Variants in FBXL7 observed in about 807,000 individuals in gnomAD.
FBXL7 encodes F-box and leucine rich repeat protein 7.
Under a neutral mutation model 38.3 loss-of-function variants are expected in FBXL7, and 12 were observed. The ratio of observed to expected loss-of-function variants is 0.31; its 90% CI spans 0.20 to 0.51. The LOEUF is 0.51. Among genes scored for constraint, FBXL7 ranks in the 20% least tolerant of loss-of-function variants. The probability of loss-of-function intolerance (pLI) is 0.98; values close to 1 mark genes in which losing one functional copy is unlikely to be tolerated. For missense variants in FBXL7, 567 were observed against 676.4 expected, an observed-to-expected ratio of 0.84 and a Z score of 1.79; for synonymous variants, 297 against 300.9, an observed-to-expected ratio of 0.99 and a Z score of 0.13.
At chr5:15,764,158 A>T (rs1287676710) in intron 2 of FBXL7, among the ~76,000 whole-genome samples, 3 of 152,190 alleles carry the variant, frequency 2.0e-5, no homozygotes, top group Admixed American at 6.5e-5. Flanking sequence ...ATTCCCTATC[A>T]CATAAACCAA....
At chr5:15,627,366 T>C (rs1220155532) in intron 2 of FBXL7, among the ~76,000 whole-genome samples, 1 of 152,116 alleles carries the variant, frequency 6.6e-6, no homozygotes, top group African/African-American at 2.4e-5. Flanking sequence ...TTTTGCTGTG[T>C]GAGTAGTCAG....
intron 2 of FBXL7, among the ~76,000 whole-genome samples, chr5:15,919,889 A>G (rs1376766916): frequency 1.3e-5 from 2 of 152,198 alleles, no homozygotes; most frequent in Admixed American, 1.3e-4. Context: ...GACATAGGAA[A>G]GAAATTAGAG....
intron 2 of FBXL7, among the ~76,000 whole-genome samples, chr5:15,777,368 T>A (rs1317911862): frequency 2.0e-5 from 3 of 152,096 alleles, no homozygotes; most frequent in Non-Finnish European, 4.4e-5. Context: ...AAAGTGTTTA[T>A]GCTTGAAACT....
intron 2 of FBXL7, among the ~76,000 whole-genome samples, chr5:15,679,481 C>T (rs946209649): frequency 4.0e-5 from 6 of 151,618 alleles, no homozygotes; most frequent in African/African-American, 1.5e-4. Context: ...CACACACCAT[C>T]CTGGTGACTT....
At position 15,779,158 on chromosome 5, in the gene FBXL7, A is replaced by C. The variant is rs200475660; in HGVS notation, c.128-148732A>C. On this transcript the variant is annotated intron_variant, in intron 2 of 3. Transcript: ENST00000504595. ...AAAAAAGTGGATCTCATGGAGTTGG[A>C]GAGTTTCAGAATGGTGGTTACCAGA... Among the ~76,000 whole-genome samples the C allele has an allele frequency of 7.2e-5, 11 of 152,130 alleles. No homozygotes were observed. In the East Asian group the frequency reaches 2.1e-3, roughly 29 times the overall value.
chr5:15,847,734 TGAAAGCCC>T (rs1385328888), intron 2 of FBXL7, among the ~76,000 whole-genome samples: 1 of 152,072 alleles, frequency 6.6e-6, no homozygotes, highest in Non-Finnish European at 1.5e-5. Flanking sequence ...CCTAATCAGG[TGAAAGCCC>T]TCAGAAGAGA....
intron 1 of FBXL7, among the ~76,000 whole-genome samples, chr5:15,608,100 ATATT>A (rs771866079): frequency 3.0e-4 from 45 of 152,272 alleles, no homozygotes; most frequent in African/African-American, 9.4e-4. Flanking sequence ...TGCATATATA[ATATT>A]TATTTTATCA....
chr5:15,547,604 G>A (rs1488518132), intron 1 of FBXL7, among the ~76,000 whole-genome samples: 1 of 152,098 alleles, frequency 6.6e-6, no homozygotes, highest in Non-Finnish European at 1.5e-5. Flanking sequence ...GCTGAATAGA[G>A]TCTCATCTGC....
intron 2 of FBXL7, among the ~76,000 whole-genome samples, chr5:15,824,188 C>T (rs974442466): frequency 1.3e-5 from 2 of 149,884 alleles, no homozygotes; most frequent in East Asian, 2.0e-4. Flanking sequence ...CCCAGCTACT[C>T]GGGAGGCTGA....
chr5:15,851,273 C>T (rs944744933), intron 2 of FBXL7, among the ~76,000 whole-genome samples: 2 of 152,126 alleles, frequency 1.3e-5, no homozygotes, highest in African/African-American at 4.8e-5. Context: ...GAAAGTGATG[C>T]ATAAATGGCC....
intron 2 of FBXL7, among the ~76,000 whole-genome samples, chr5:15,631,736 A>G (rs956450753): frequency 2.0e-5 from 3 of 148,708 alleles, no homozygotes; most frequent in African/African-American, 7.4e-5. Context: ...TGAAAAAGAG[A>G]GTTCAGAGGT....
chr5:15,648,770 G>C (rs867572849), intron 2 of FBXL7, among the ~76,000 whole-genome samples: 6 of 152,152 alleles, frequency 3.9e-5, no homozygotes, highest in Admixed American at 2.0e-4. Context: ...TCAGTTGAAC[G>C]ATGAACTCCA....
intron 2 of FBXL7, among the ~76,000 whole-genome samples, chr5:15,746,156 G>A (rs1736009081): frequency 6.6e-6 from 1 of 152,156 alleles, no homozygotes; most frequent in South Asian, 2.1e-4. Context: ...GAAAAGTTGG[G>A]TGAATACTAT....
intron 1 of FBXL7, among the ~76,000 whole-genome samples, chr5:15,519,264 A>T (rs1191854810): frequency 6.6e-6 from 1 of 152,060 alleles, no homozygotes; most frequent in Non-Finnish European, 1.5e-5. Context: ...AATCCCTGGA[A>T]CCTGGGAGGT....
At chr5:15,722,631 G>A (rs989121062) in intron 2 of FBXL7, among the ~76,000 whole-genome samples, 64 of 152,198 alleles carry the variant, frequency 4.2e-4, no homozygotes, top group African/African-American at 1.4e-3. Flanking sequence ...GCATTTGTAA[G>A]CAGAAGACAG....
At chr5:15,767,883 G>A (rs1048945732) in intron 2 of FBXL7, among the ~76,000 whole-genome samples, 7 of 152,198 alleles carry the variant, frequency 4.6e-5, no homozygotes, top group Admixed American at 3.3e-4. Context: ...CAGGAGGAAT[G>A]GGTGTGCATT....
intron 1 of FBXL7, among the ~76,000 whole-genome samples, chr5:15,578,798 C>A (rs1739045871): frequency 6.6e-6 from 1 of 152,156 alleles, no homozygotes; most frequent in African/African-American, 2.4e-5. Flanking sequence ...ATCCCATAGC[C>A]CTCCAAAATA....
At chr5:15,541,443 G>GTGTTTATATA (rs1264820921) in intron 1 of FBXL7, among the ~76,000 whole-genome samples, 1 of 38,426 alleles carries the variant, frequency 2.6e-5, no homozygotes. Context: ...GTGTGTGTGT[G>GTGTTTATATA]TATATATATA....
intron 1 of FBXL7, among the ~76,000 whole-genome samples, chr5:15,596,281 T>G (rs79995516): frequency 0.038 from 5,798 of 152,298 alleles, 354 homozygotes; most frequent in African/African-American, 0.13. Context: ...AAGCATGGTA[T>G]AATTCATTTT....
Sources: allele counts gnomAD v4.1 joint callset (sites outside exome capture counted in the v4.1 genomes callset), GRCh38; gene constraint gnomAD v4.1.1; transcripts MANE v1.5; gene names NCBI Gene and HGNC (gene_info 2026-07-23, HGNC 2026-07-21).